Variants in ZNF385D observed in about 807,000 individuals in gnomAD.
ZNF385D encodes zinc finger protein 659.
Under a neutral mutation model 35.8 loss-of-function variants are expected in ZNF385D, and 15 were observed. The ratio of observed to expected loss-of-function variants is 0.42; its 90% CI spans 0.28 to 0.64. The LOEUF is 0.64. ZNF385D is among the 30% of genes least tolerant of loss of function. The pLI, the probability that ZNF385D is intolerant of heterozygous loss-of-function variation, is 0.23. For synonymous variants in ZNF385D, 212 were observed against 186.8 expected (o/e 1.13, Z -1.10); for missense variants, 474 against 494.6 (o/e 0.96, Z 0.39).
rs575133547 is a variant in ZNF385D at position 21,478,393 on chromosome 3, A to T, written c.439+32468T>A. 6.6e-5 allele frequency among the ~76,000 whole-genome samples: 10 copies of T among 152,234 alleles called. No individual in the cohort carries two copies. The East Asian group carries it at 1.7e-3, about 26-fold the overall frequency. ...GCAATTGACTTTGGTAAAAAGGATA[A>T]AAGAGTTGAAGTAACATAGATAATG... On this transcript the variant is annotated intron_variant, in intron 4 of 7. Transcript: ENST00000281523.
intron 2 of ZNF385D, among the ~76,000 whole-genome samples, chr3:22,229,113 A>G (rs1436673254): frequency 6.6e-6 from 1 of 152,166 alleles, no homozygotes; most frequent in Non-Finnish European, 1.5e-5. Flanking sequence ...TTATCCTATT[A>G]GTCCTGTCCC....
chr3:22,018,225 T>G (rs1257957672), intron 3 of ZNF385D, among the ~76,000 whole-genome samples: 1 of 150,882 alleles, frequency 6.6e-6, no homozygotes. Context: ...TATGACTGTC[T>G]AAGAGGGATA....
Position 21,751,185 on chromosome 3 carries a change from C to A in ZNF385D, c.-269G>T. ...TAATCCGACTCCTCCTTGCGATGTC[C>A]TTGCCGCGCCTGTGACATCAGGACT... On this transcript the variant is annotated 5_prime_UTR_variant, in exon 1 of 8. It adds an upstream start codon to the 5' untranslated region. Transcript: ENST00000281523. The A allele has an allele frequency of 4.3e-6, 6 of 1,380,206 alleles. No homozygotes were observed. Among genetic ancestry groups the A allele is most frequent in the Non-Finnish European group, 5.6e-6 (6 of 1,065,650 alleles). 85.5% of individuals were successfully genotyped at this position (1,380,206 alleles called of 1,614,324 possible). A position where few individuals can be genotyped will look rare whatever the true frequency, so the allele number is the denominator to read the frequency against.
chr3:21,960,830 A>G (rs1419037467), intron 3 of ZNF385D, among the ~76,000 whole-genome samples: 1 of 152,186 alleles, frequency 6.6e-6, no homozygotes, highest in East Asian at 1.9e-4. Context: ...TCAGGCACAG[A>G]AATAAATACT....
intron 3 of ZNF385D, among the ~76,000 whole-genome samples, chr3:22,120,771 C>T (rs1224231815): frequency 1.3e-5 from 2 of 152,128 alleles, no homozygotes; most frequent in African/African-American, 2.4e-5. Context: ...TTCTTGAGAA[C>T]AAGCTTTAAA....
intron 2 of ZNF385D, among the ~76,000 whole-genome samples, chr3:22,292,683 G>C (rs575958665): frequency 1.6e-4 from 25 of 152,224 alleles, no homozygotes; most frequent in African/African-American, 6.0e-4. Flanking sequence ...TAGTGGCATG[G>C]AGTTTTATTT....
At chr3:22,008,608 G>A (rs1010307807) in intron 3 of ZNF385D, among the ~76,000 whole-genome samples, 5 of 152,026 alleles carry the variant, frequency 3.3e-5, no homozygotes, top group African/African-American at 9.7e-5. Context: ...CGCCCACCAC[G>A]GCCTCCCAAA....
intron 2 of ZNF385D, among the ~76,000 whole-genome samples, chr3:22,352,995 G>C (rs9824408): frequency 6.6e-6 from 1 of 151,890 alleles, no homozygotes; most frequent in Non-Finnish European, 1.5e-5. Flanking sequence ...CTTATGTCAC[G>C]ATGTCTTTGT....
chr3:22,039,930 A>T (rs1187623721), intron 3 of ZNF385D, among the ~76,000 whole-genome samples: 1 of 152,106 alleles, frequency 6.6e-6, no homozygotes, highest in Non-Finnish European at 1.5e-5. Context: ...CTGACTTTGA[A>T]TTGGATGTAG....
At chr3:22,231,991 A>G (rs1006781586) in intron 2 of ZNF385D, among the ~76,000 whole-genome samples, 1 of 152,044 alleles carries the variant, frequency 6.6e-6, no homozygotes, top group South Asian at 2.1e-4. Context: ...CCATGATTGT[A>G]AGTTTCCTGA....
intron 3 of ZNF385D, among the ~76,000 whole-genome samples, chr3:22,047,270 C>A (rs896683321): frequency 2.6e-5 from 4 of 151,950 alleles, no homozygotes; most frequent in African/African-American, 9.7e-5. Context: ...CACTTAAAAT[C>A]TACTGCAACA....
chr3:21,988,331 G>A (rs1335443145), intron 3 of ZNF385D, among the ~76,000 whole-genome samples: 2 of 119,080 alleles, frequency 1.7e-5, no homozygotes, highest in African/African-American at 3.0e-5. Context: ...TGATGGTGAT[G>A]TACAGATGGG....
chr3:22,062,287 T>C (rs1576245862), intron 3 of ZNF385D, among the ~76,000 whole-genome samples: 1 of 152,104 alleles, frequency 6.6e-6, no homozygotes, highest in African/African-American at 2.4e-5. Flanking sequence ...ACTCTCGGGA[T>C]CAAGCAATCC....
chr3:21,574,999 TA>T (rs1170530638), intron 2 of ZNF385D, among the ~76,000 whole-genome samples: 1 of 152,182 alleles, frequency 6.6e-6, no homozygotes, highest in Non-Finnish European at 1.5e-5. Flanking sequence ...TTCATTTTCT[TA>T]ACAAACATAA....
At chr3:21,619,787 A>G (rs1479669277) in intron 2 of ZNF385D, among the ~76,000 whole-genome samples, 1 of 152,176 alleles carries the variant, frequency 6.6e-6, no homozygotes, top group African/African-American at 2.4e-5. Context: ...GAGGAACTGC[A>G]TCAGATAAAG....
chr3:21,977,027 T>A (rs760582799), intron 3 of ZNF385D, among the ~76,000 whole-genome samples: 8 of 152,052 alleles, frequency 5.3e-5, no homozygotes, highest in Non-Finnish European at 1.0e-4. Context: ...CTGCTACATA[T>A]AACAACATTG....
intron 2 of ZNF385D, among the ~76,000 whole-genome samples, chr3:21,662,515 T>C (rs2066270545): frequency 6.6e-6 from 1 of 152,188 alleles, no homozygotes; most frequent in Admixed American, 6.5e-5. Flanking sequence ...TGGGTTTTGA[T>C]TCATATCTGC....
At chr3:21,564,802 A>G (rs1170668970) in intron 2 of ZNF385D, 118 bp from the exon 3 acceptor site, 4 of 451,148 alleles carry the variant, frequency 8.9e-6, no homozygotes, top group Non-Finnish European at 1.5e-5. Flanking sequence ...CTCACATTAT[A>G]AAGAACCTTT....
chr3:22,028,589 G>A (rs1697714574), intron 3 of ZNF385D, among the ~76,000 whole-genome samples: 1 of 152,176 alleles, frequency 6.6e-6, no homozygotes, highest in Non-Finnish European at 1.5e-5. Context: ...CACTGGAGTG[G>A]ACATTTACTC....
Sources: allele counts gnomAD v4.1 joint callset (sites outside exome capture counted in the v4.1 genomes callset), GRCh38; gene constraint gnomAD v4.1.1; transcripts MANE v1.5; gene names NCBI Gene and HGNC (gene_info 2026-07-23, HGNC 2026-07-21).